The following TANC1 variants were observed in gnomAD, a reference collection of about 807,000 sequenced individuals.
TANC1 encodes the protein tetratricopeptide repeat, ankyrin repeat and coiled-coil containing 1.
TANC1 carries 77 observed loss-of-function variants against 149.7 expected under a neutral mutation model. The observed-to-expected ratio is 0.51, with a 90% CI of 0.43 to 0.62. The LOEUF (loss-of-function observed/expected upper bound fraction) is 0.62, where lower values mean the gene tolerates loss of function less well. Among genes scored for constraint, TANC1 ranks in the 20% least tolerant of loss-of-function variants. TANC1 has a pLI of 0.00. For missense variants in TANC1, 1,985 were observed against 2,321.8 expected (o/e 0.85, Z 2.98); for synonymous variants, 854 against 925.0 (o/e 0.92, Z 1.39).
At chr2:158,986,275 G>T (rs989308562) in intron 1 of TANC1, among the ~76,000 whole-genome samples, 1 of 149,978 alleles carries the variant, frequency 6.7e-6, no homozygotes, top group African/African-American at 2.5e-5. Context: ...TGAAGGTAGA[G>T]AGTTTCCAGG....
chr2:159,150,791 AAAG>A, intron 7 of TANC1: 1 of 469,710 alleles, frequency 2.1e-6, no homozygotes, highest in Non-Finnish European at 3.8e-6. Context: ...AAAAAAAAAA[AAAG>A]GAATTCCAGA....
At chr2:159,217,739 C>G (rs1389412004) in intron 20 of TANC1, 109 bp downstream of exon 20, 2 of 1,385,186 alleles carry the variant, frequency 1.4e-6, no homozygotes, top group Non-Finnish European at 2.0e-6. Flanking sequence ...TGTCTGTTCC[C>G]CATCCTCGGC....
At chr2:159,217,344 G>A (rs2059411409) in intron 19 of TANC1, among the ~76,000 whole-genome samples, 153 bp from the exon 20 acceptor site, 1 of 152,232 alleles carries the variant, frequency 6.6e-6, no homozygotes, top group South Asian at 2.1e-4. Flanking sequence ...GCTGTGTTCT[G>A]TTGGTCAAAG....
intron 2 of TANC1, among the ~76,000 whole-genome samples, chr2:159,049,343 A>C (rs370091913): frequency 3.6e-5 from 1 of 27,580 alleles, no homozygotes; most frequent in Non-Finnish European, 9.7e-5. Flanking sequence ...AACTTAGTTC[A>C]GATTTTACAA....
Position 159,069,484 on chromosome 2 carries a change from C to A in TANC1, c.61+3513C>A, listed in dbSNP as rs538711294. 2.6e-5 allele frequency among the ~76,000 whole-genome samples: 4 copies of A among 152,212 alleles called. No individual in the cohort carries two copies. The South Asian group carries it at 8.3e-4, about 32-fold the overall frequency. ...CCAGAGAGGCCTACAACCTTTACCA[C>A]GTTTCTTAATTTTAAGTGACCTTTA... On this transcript the variant is annotated intron_variant, in intron 3 of 26. Transcript: ENST00000263635.
At chr2:159,131,450 C>G (rs1028686755) in intron 4 of TANC1, among the ~76,000 whole-genome samples, 12 of 152,120 alleles carry the variant, frequency 7.9e-5, no homozygotes, top group Non-Finnish European at 1.6e-4. Flanking sequence ...GCGCCCCTGC[C>G]TTCCGATGGG....
Position 159,219,372 on chromosome 2 carries a change from G to A in TANC1, c.3502+11G>A, listed in dbSNP as rs560135825. ...TCCTCCTTTCAAAAGGTAGCAGCGT[G>A]ATGCCCTCAAAGGTTTCTTTTGGAC... is the stretch of plus-strand genomic sequence containing the variant. On this transcript the variant is annotated intron_variant, in intron 21 of 26. Transcript: ENST00000263635. The A allele has an allele frequency of 1.3e-5, 20 of 1,585,382 alleles. No individual in the cohort carries two copies. The African/African-American group carries it at 2.5e-4, about 20-fold the overall frequency.
At chr2:159,053,155 T>A (rs964795620) in intron 2 of TANC1, among the ~76,000 whole-genome samples, 1 of 152,144 alleles carries the variant, frequency 6.6e-6, no homozygotes, top group Non-Finnish European at 1.5e-5. Context: ...CTTAACATAT[T>A]TGGCCTTTGT....
chr2:159,231,312 C>T lies in TANC1; in HGVS notation c.*300C>T. On this transcript the variant is annotated 3_prime_UTR_variant, in exon 27 of 27. Transcript: ENST00000263635. ...TGGCTTTTGCCACTTTCTTCCTTGC[C>T]TTTGCTATATGGTAGAATCACAGAA... 1 of 270,194 alleles carries T rather than the reference C, an allele frequency of 3.7e-6. No homozygotes were observed. Among genetic ancestry groups the T allele is most frequent in the Non-Finnish European group, 7.0e-6 (1 of 142,852 alleles). 16.7% of individuals were successfully genotyped at this position (270,194 alleles called of 1,614,324 possible). A position where few individuals can be genotyped will look rare whatever the true frequency, so the allele number is the denominator to read the frequency against.
At chr2:159,169,209 A>T in intron 8 of TANC1, 41 bp from the exon 9 acceptor site, 1 of 1,571,176 alleles carries the variant, frequency 6.4e-7, no homozygotes, top group Non-Finnish European at 8.7e-7. Context: ...TGAAATTTAA[A>T]GTCACCTTTG....
chr2:159,112,196 A>G (rs1460137344), intron 4 of TANC1, among the ~76,000 whole-genome samples: 2 of 152,208 alleles, frequency 1.3e-5, no homozygotes, highest in African/African-American at 2.4e-5. Context: ...GAATGTAGGC[A>G]TGCAAAATAT....
At chr2:159,121,961 A>G (rs1248539154) in intron 4 of TANC1, among the ~76,000 whole-genome samples, 1 of 151,830 alleles carries the variant, frequency 6.6e-6, no homozygotes, top group Non-Finnish European at 1.5e-5. Flanking sequence ...TTTTTGAGAG[A>G]TGCTCTCGTT....
intron 4 of TANC1, among the ~76,000 whole-genome samples, chr2:159,098,478 C>T (rs1321700836): frequency 6.6e-6 from 1 of 152,160 alleles, no homozygotes; most frequent in Non-Finnish European, 1.5e-5. Flanking sequence ...TGACTGTAAT[C>T]CAAACTCATA....
At chr2:159,051,093 A>G (rs2041430166) in intron 2 of TANC1, among the ~76,000 whole-genome samples, 1 of 152,222 alleles carries the variant, frequency 6.6e-6, no homozygotes. Flanking sequence ...TATATCTACA[A>G]CAATTTTACA....
chr2:159,214,722 G>C (rs1034902573), intron 19 of TANC1, among the ~76,000 whole-genome samples: 1 of 152,214 alleles, frequency 6.6e-6, no homozygotes, highest in Admixed American at 6.5e-5. Context: ...CTGGTGCTCA[G>C]ATAAGGCCTG....
chr2:159,112,503 G>A (rs1034041551), intron 4 of TANC1, among the ~76,000 whole-genome samples: 18 of 150,888 alleles, frequency 1.2e-4, no homozygotes, highest in Non-Finnish European at 2.2e-4. Context: ...TGATCTGCAC[G>A]CCTCGGCCTC....
rs370100860 is a variant in TANC1, at chr2:159,219,205, C to A, written c.3379-33C>A. The A allele has an allele frequency of 4.3e-6, 7 of 1,613,122 alleles. No individual in the cohort carries two copies. The African/African-American group carries it at 9.3e-5, about 22-fold the overall frequency. On this transcript the variant is annotated intron_variant, in intron 20 of 26. Transcript: ENST00000263635. ...ATAGCAGGTGTGGTGGAAAATGCAG[C>A]AGGAGGATGGTAATTCCAAATGTCT...
At chr2:158,970,619 T>C (rs945248895) in intron 1 of TANC1, among the ~76,000 whole-genome samples, 8 of 152,204 alleles carry the variant, frequency 5.3e-5, no homozygotes, top group Non-Finnish European at 1.2e-4. Context: ...TCCTGGTGGT[T>C]CTGAAATGAA....
intron 1 of TANC1, among the ~76,000 whole-genome samples, chr2:158,993,603 G>A (rs764669488): frequency 4.0e-5 from 6 of 151,796 alleles, no homozygotes; most frequent in Non-Finnish European, 2.9e-5. Flanking sequence ...CATGGGGGTC[G>A]GCTTTCTCTC....
Sources: allele counts gnomAD v4.1 joint callset (sites outside exome capture counted in the v4.1 genomes callset), GRCh38; gene constraint gnomAD v4.1.1; transcripts MANE v1.5; gene names NCBI Gene and HGNC (gene_info 2026-07-23, HGNC 2026-07-21).